Variants in AFG1L observed in about 807,000 individuals in gnomAD.
The protein encoded by AFG1L is AFG1 like ATPase, also known as AFG1-like ATPase.
In AFG1L, 53 loss-of-function variants were observed where a neutral mutation model predicts 62.2. The ratio of observed to expected loss-of-function variants is 0.85; its 90% CI spans 0.68 to 1.07. AFG1L has a LOEUF of 1.07. Among genes scored for constraint, AFG1L ranks in the 50% least tolerant of loss-of-function variants. AFG1L has a pLI of 0.00. For missense variants in AFG1L, 555 were observed against 590.5 expected, an observed-to-expected ratio of 0.94 and a Z score of 0.62; for synonymous variants, 228 against 210.3, an observed-to-expected ratio of 1.08 and a Z score of -0.73.
intron 3 of AFG1L, among the ~76,000 whole-genome samples, chr6:108,351,982 T>G (rs1258183299): frequency 6.6e-6 from 1 of 152,234 alleles, no homozygotes; most frequent in Non-Finnish European, 1.5e-5. Flanking sequence ...AATTTACCCT[T>G]TTAAACATTT....
rs138535200 is a variant in AFG1L at position 108,312,536 on chromosome 6, C to T, written c.140-11289C>T. ...TTGAGCCACTGCACTCTAGCCTGGACGAAGAGAGAGACCTTGTCTCTAAAA... is the reference window on the plus strand; with the variant it reads ...TTGAGCCACTGCACTCTAGCCTGGATGAAGAGAGAGACCTTGTCTCTAAAA... On this transcript the variant is annotated intron_variant, in intron 1 of 12. Coordinates refer to ENST00000368977, the MANE Select transcript of AFG1L (RefSeq NM_145315.5). Among the ~76,000 whole-genome samples the T allele has an allele frequency of 3.5e-3, 533 of 151,998 alleles. 1 individual carries two copies. Among genetic ancestry groups the T allele is most frequent in the Non-Finnish European group, 4.2e-3 (288 of 67,978 alleles).
intron 5 of AFG1L, among the ~76,000 whole-genome samples, chr6:108,365,106 A>T (rs980867026): frequency 2.0e-5 from 3 of 152,214 alleles, no homozygotes; most frequent in African/African-American, 4.8e-5. Context: ...TCTTGTGGAT[A>T]TATGTAAAGC....
At chr6:108,310,097 G>C (rs1428233393) in intron 1 of AFG1L, among the ~76,000 whole-genome samples, 1 of 152,180 alleles carries the variant, frequency 6.6e-6, no homozygotes, top group Non-Finnish European at 1.5e-5. Context: ...GCAGGTTTGT[G>C]TCACGGTTCA....
chr6:108,398,913 G>C (rs531901521), intron 6 of AFG1L, among the ~76,000 whole-genome samples: 2 of 152,222 alleles, frequency 1.3e-5, no homozygotes, highest in African/African-American at 4.8e-5. Context: ...TTACTCAGGA[G>C]AGCTTTGGCT....
At chr6:108,363,068 A>G (rs1233664453) in intron 5 of AFG1L, among the ~76,000 whole-genome samples, 3 of 152,176 alleles carry the variant, frequency 2.0e-5, no homozygotes, top group African/African-American at 7.2e-5. Context: ...TAGGGAGACG[A>G]ATGGTAATTA....
chr6:108,493,012 T>C (rs926789271), intron 10 of AFG1L, among the ~76,000 whole-genome samples: 1 of 152,152 alleles, frequency 6.6e-6, no homozygotes, highest in African/African-American at 2.4e-5. Context: ...ATATTATCTG[T>C]GTTCCTGGAT....
Position 108,366,262 on chromosome 6 carries a change from G to C in AFG1L, c.678G>C (p.Leu226=). The change falls in exon 6 of 13, where the codon CTG becomes CTC. Residue 226 remains leucine (L), a synonymous_variant. Transcript: ENST00000368977. ...CTGACATTGCTGATGCCATGATTCT[G>C]AAACAGCTTTTTGAAAATCTGTTCA... ...QVTDIADAMI[L]KQLFENLFKN... 1 of 1,610,516 alleles carries C rather than the reference G, an allele frequency of 6.2e-7. No homozygotes were observed. The highest frequency in any genetic ancestry group is 1.3e-5 in the African/African-American group (1 of 74,982).
chr6:108,504,361 G>A (rs1171912225), intron 10 of AFG1L, among the ~76,000 whole-genome samples: 4 of 152,154 alleles, frequency 2.6e-5, no homozygotes, highest in Non-Finnish European at 5.9e-5. Flanking sequence ...TTTTAATGTT[G>A]TTGTATCTCA....
intron 7 of AFG1L, among the ~76,000 whole-genome samples, chr6:108,414,622 C>A (rs1782275799): frequency 6.6e-6 from 1 of 152,132 alleles, no homozygotes; most frequent in Non-Finnish European, 1.5e-5. Context: ...TCAACATACA[C>A]AAATCAATAA....
At position 108,402,057 on chromosome 6, in the gene AFG1L, A is replaced by G; in HGVS notation, c.807+3A>G. On this transcript the variant is annotated splice_donor_region_variant and intron_variant, in intron 7 of 12. Coordinates refer to ENST00000368977, the MANE Select transcript of AFG1L (RefSeq NM_145315.5). ...TACCATTCATAGCAGTCTTGAAGGT[A>G]AAAACAAATCATTTATTTGTGTTTA... is the stretch of plus-strand genomic sequence containing the variant. The G allele has an allele frequency of 1.4e-6, 2 of 1,456,004 alleles. No homozygotes were observed. The highest frequency in any genetic ancestry group is 1.9e-6 in the Non-Finnish European group (2 of 1,079,660). 90.2% of individuals were successfully genotyped at this position (1,456,004 alleles called of 1,614,324 possible).
At chr6:108,310,393 T>G (rs1777357662) in intron 1 of AFG1L, among the ~76,000 whole-genome samples, 1 of 152,202 alleles carries the variant, frequency 6.6e-6, no homozygotes, top group South Asian at 2.1e-4. Context: ...TTTCATGTGT[T>G]TATTGACCAT....
chr6:108,390,538 G>A (rs529708696), intron 6 of AFG1L, among the ~76,000 whole-genome samples: 1 of 152,026 alleles, frequency 6.6e-6, no homozygotes, highest in Non-Finnish European at 1.5e-5. Context: ...CTTACAGATG[G>A]CGTTTTGGTG....
At chr6:108,418,454 A>C (rs1252296912) in intron 7 of AFG1L, among the ~76,000 whole-genome samples, 1 of 152,198 alleles carries the variant, frequency 6.6e-6, no homozygotes, top group Non-Finnish European at 1.5e-5. Flanking sequence ...TACAAAGGGC[A>C]AACAATTGCT....
chr6:108,406,880 T>C (rs1781880053), intron 7 of AFG1L, among the ~76,000 whole-genome samples: 1 of 152,208 alleles, frequency 6.6e-6, no homozygotes, highest in African/African-American at 2.4e-5. Flanking sequence ...GGGGAGGCAC[T>C]GCTTGCTTCC....
At chr6:108,324,119 G>T in intron 2 of AFG1L, 71 bp downstream of exon 2, 2 of 1,079,376 alleles carry the variant, frequency 1.9e-6, no homozygotes, top group Non-Finnish European at 2.7e-6. Flanking sequence ...ATGCAATGCA[G>T]TAGGACACAA....
At chr6:108,415,323 A>G (rs547921760) in intron 7 of AFG1L, among the ~76,000 whole-genome samples, 202 of 152,228 alleles carry the variant, frequency 1.3e-3, no homozygotes, top group African/African-American at 4.6e-3. Flanking sequence ...GGAAGAATCA[A>G]TATCGTGAAA....
chr6:108,466,741 T>G lies in AFG1L; in HGVS notation c.891-10124T>G, dbSNP rs940982988. 4.7e-5 allele frequency among the ~76,000 whole-genome samples: 7 copies of G among 147,912 alleles called. No homozygotes were observed. In the East Asian group the frequency reaches 9.7e-4, roughly 21 times the overall value. ...AAAAAAAAATTATATATATATATTTTTTAAAATATATTTGTTAAAATATAT... is the reference window on the plus strand; with the variant it reads ...AAAAAAAAATTATATATATATATTTGTTAAAATATATTTGTTAAAATATAT... On this transcript the variant is annotated intron_variant, in intron 8 of 12. Transcript: ENST00000368977.
In AFG1L at chr6:108,438,459, C is replaced by T. The variant is rs568637903; in HGVS notation, c.808-8755C>T. On this transcript the variant is annotated intron_variant, in intron 7 of 12. Coordinates refer to ENST00000368977, the MANE Select transcript of AFG1L (RefSeq NM_145315.5). ...GACTTCATTTTAACTGAATTAAAGG[C>T]TCTGTCTCCAAATACAGTCACATTC... 6.6e-4 allele frequency among the ~76,000 whole-genome samples: 101 copies of T among 152,220 alleles called. 1 individual carries two copies. The highest frequency in any genetic ancestry group is 2.3e-3 in the African/African-American group (96 of 41,528).
intron 1 of AFG1L, chr6:108,295,811 T>G (rs1776747552): frequency 6.6e-6 from 1 of 152,260 alleles, no homozygotes; most frequent in African/African-American, 2.4e-5. Flanking sequence ...ATGTATATTC[T>G]GAGTAACCAA....
Sources: gnomAD v4.1 joint callset for allele counts (sites outside exome capture counted in the v4.1 genomes callset) on GRCh38, gnomAD v4.1.1 for gene constraint, MANE v1.5 for transcripts, NCBI Gene and HGNC (gene_info 2026-07-23, HGNC 2026-07-21) for gene names.